Variants in VPS13B observed in about 807,000 individuals in gnomAD.
VPS13B encodes vacuolar protein sorting 13 homolog B.
In VPS13B, 285 loss-of-function variants were observed where a neutral mutation model predicts 426.4. That is an observed-to-expected ratio of 0.67 (90% CI 0.61 to 0.74). The LOEUF (loss-of-function observed/expected upper bound fraction) is 0.74, where lower values mean the gene tolerates loss of function less well. VPS13B is among the 30% of genes least tolerant of loss of function. VPS13B has a pLI of 0.00. For synonymous variants in VPS13B, 1,676 were observed against 1,676.4 expected (o/e 1.00, Z 0.01); for missense variants, 4,537 against 4,782.6 (o/e 0.95, Z 1.51).
chr8:99,422,784 AC>A (rs1374146634), intron 21 of VPS13B, among the ~76,000 whole-genome samples: 8 of 152,142 alleles, frequency 5.3e-5, no homozygotes, highest in Non-Finnish European at 8.8e-5. Context: ...CCACTTCCTT[AC>A]CCATCATCAT....
chr8:99,445,338 G>T (rs903421123), intron 23 of VPS13B, among the ~76,000 whole-genome samples: 1 of 149,824 alleles, frequency 6.7e-6, no homozygotes, highest in South Asian at 2.1e-4. Context: ...GGTGGCTTGA[G>T]CCTATAGTCC....
At chr8:99,441,335 G>T (rs2133438040) in intron 22 of VPS13B, among the ~76,000 whole-genome samples, 1 of 152,150 alleles carries the variant, frequency 6.6e-6, no homozygotes, top group Non-Finnish European at 1.5e-5. Context: ...TAGTATATTA[G>T]GCCCAAGAGA....
At chr8:99,188,052 C>T (rs1275537298) in intron 16 of VPS13B, among the ~76,000 whole-genome samples, 2 of 56,210 alleles carry the variant, frequency 3.6e-5, no homozygotes, top group African/African-American at 1.3e-4. Flanking sequence ...GTTGTTTGGA[C>T]ATTTTTTTTT....
In VPS13B at chr8:99,086,681, A is replaced by G. The variant is rs568601337; in HGVS notation, c.292-9631A>G. Among the ~76,000 whole-genome samples, 65 of 152,280 alleles carry G rather than the reference A, an allele frequency of 4.3e-4. 1 individual carries two copies. The Middle Eastern group carries it at 0.01, about 24-fold the overall frequency. Reference sequence around the variant, plus strand: ...TTTGTTAGTTTTCCTTCTAACAGTCAGGACCCTCAGCTGCAGGTCTGTTGG... The same window carrying G: ...TTTGTTAGTTTTCCTTCTAACAGTCGGGACCCTCAGCTGCAGGTCTGTTGG... On this transcript the variant is annotated intron_variant, in intron 3 of 61. Transcript: ENST00000357162.
chr8:99,854,241 G>C lies in VPS13B; in HGVS notation c.10852G>C (p.Ala3618Pro). The C allele has an allele frequency of 6.2e-7, 1 of 1,613,780 alleles. No individual in the cohort carries two copies. Among genetic ancestry groups the C allele is most frequent in the East Asian group, 2.2e-5 (1 of 44,878 alleles). The change falls in exon 56 of 62, where the codon GCC becomes CCC. Residue 3618 changes from alanine (A) to proline (P), a missense_variant. Ala to Pro is a conservative substitution (Grantham distance 27). This residue lies in a region of VPS13B where 4,311 missense variants were observed against 4,474.3 expected (regional missense o/e 0.96). Coordinates refer to ENST00000357162, the MANE Select transcript of VPS13B (RefSeq NM_152564.5). ...CCTGGCAATGCACTATGCCGCTGGG[G>C]CCCTTTTTAGAGCAGGTAAGAACAC... ...HALAMHYAAGALFRAGWVVGS... is the reference protein window; with the variant it reads ...HALAMHYAAGPLFRAGWVVGS...
At chr8:99,685,286 A>G (rs1831338882) in intron 35 of VPS13B, among the ~76,000 whole-genome samples, 1 of 152,246 alleles carries the variant, frequency 6.6e-6, no homozygotes, top group African/African-American at 2.4e-5. Context: ...AATTACGACA[A>G]ATGTAGCAAC....
At chr8:99,360,158 CTT>C (rs1173451447) in intron 19 of VPS13B, among the ~76,000 whole-genome samples, 6 of 34,330 alleles carry the variant, frequency 1.7e-4, no homozygotes, top group African/African-American at 8.7e-4. Flanking sequence ...TTCTTTCTTT[CTT>C]TCTTTCTTTC....
At chr8:99,545,426 G>A (rs1025316591) in intron 30 of VPS13B, among the ~76,000 whole-genome samples, 12 of 152,006 alleles carry the variant, frequency 7.9e-5, no homozygotes, top group Non-Finnish European at 1.3e-4. Context: ...TACAGTAGCC[G>A]TTAGCCATGT....
chr8:99,017,682 G>A lies in VPS13B; in HGVS notation c.147+3747G>A, dbSNP rs552586158. On this transcript the variant is annotated intron_variant, in intron 2 of 61. Transcript: ENST00000357162. Reference sequence around the variant, plus strand: ...TAACTTTTGTATTTTTAGTAGAGACGGGGTTTCACCATGTTGGCCAGGCTG... The same window carrying A: ...TAACTTTTGTATTTTTAGTAGAGACAGGGTTTCACCATGTTGGCCAGGCTG... Among the ~76,000 whole-genome samples the A allele has an allele frequency of 5.3e-5, 8 of 151,884 alleles. No individual in the cohort carries two copies. The South Asian group carries it at 1.0e-3, about 20-fold the overall frequency.
chr8:99,868,576 T>C (rs878865537), intron 59 of VPS13B, 111 bp downstream of exon 59: 3 of 1,276,404 alleles, frequency 2.4e-6, no homozygotes, highest in South Asian at 2.6e-5. Flanking sequence ...AGTGGCTATC[T>C]TTCTTACCTC....
chr8:99,413,612 G>C (rs183741361), intron 21 of VPS13B, among the ~76,000 whole-genome samples: 25 of 152,180 alleles, frequency 1.6e-4, no homozygotes, highest in African/African-American at 4.8e-4. Context: ...CTGTATCCCC[G>C]AGATTCTGGT....
chr8:99,625,326 G>A (rs1828564315), intron 33 of VPS13B, among the ~76,000 whole-genome samples: 1 of 152,148 alleles, frequency 6.6e-6, no homozygotes, highest in Non-Finnish European at 1.5e-5. Flanking sequence ...TTTAAAAGTG[G>A]GATGGGTGGG....
chr8:99,744,947 G>A (rs1336766895), intron 39 of VPS13B, among the ~76,000 whole-genome samples: 1 of 151,562 alleles, frequency 6.6e-6, no homozygotes, highest in Non-Finnish European at 1.5e-5. Flanking sequence ...ATGTGCACAT[G>A]TACCCTAAAA....
intron 34 of VPS13B, among the ~76,000 whole-genome samples, chr8:99,648,195 C>CTAATA (rs1324623895): frequency 1.3e-5 from 2 of 152,158 alleles, no homozygotes; most frequent in Non-Finnish European, 2.9e-5. Flanking sequence ...TCTGAGAAAC[C>CTAATA]AGTAATAAGA....
intron 21 of VPS13B, among the ~76,000 whole-genome samples, chr8:99,424,757 A>G (rs952304954): frequency 1.3e-5 from 2 of 152,304 alleles, no homozygotes; most frequent in Middle Eastern, 3.4e-3. Flanking sequence ...AAACGCTTCA[A>G]AAAAATCAAT....
intron 51 of VPS13B, among the ~76,000 whole-genome samples, chr8:99,828,410 T>C (rs1272774097): frequency 9.5e-6 from 1 of 105,218 alleles, no homozygotes; most frequent in African/African-American, 3.7e-5. Flanking sequence ...TTTTTTTTTT[T>C]TTTTTTTTTT....
intron 44 of VPS13B, among the ~76,000 whole-genome samples, chr8:99,812,402 C>T (rs1813757643): frequency 1.3e-5 from 2 of 152,106 alleles, no homozygotes; most frequent in Admixed American, 1.3e-4. Context: ...TTCCTTCTAC[C>T]CCACCTGGGC....
chr8:99,470,320 A>G (rs1054314655), intron 24 of VPS13B, among the ~76,000 whole-genome samples: 1 of 152,168 alleles, frequency 6.6e-6, no homozygotes, highest in Admixed American at 6.6e-5. Flanking sequence ...ACATAAATGC[A>G]TGTTCTCAAC....
intron 35 of VPS13B, among the ~76,000 whole-genome samples, chr8:99,664,770 A>G (rs934383732): frequency 1.3e-5 from 2 of 152,210 alleles, no homozygotes; most frequent in African/African-American, 4.8e-5. Flanking sequence ...TAGTGCCGCA[A>G]TAAACATACG....
Sources: allele counts gnomAD v4.1 joint callset (sites outside exome capture counted in the v4.1 genomes callset), GRCh38; gene constraint gnomAD v4.1.1; regional missense constraint gnomAD v4.1.1; transcripts MANE v1.5; gene names NCBI Gene and HGNC (gene_info 2026-07-23, HGNC 2026-07-21).